CPNE8: variants seen among roughly 807,000 people sequenced by gnomAD.
The protein encoded by CPNE8 is copine-8.
CPNE8 carries 45 observed loss-of-function variants against 81.5 expected under a neutral mutation model. That is an observed-to-expected ratio of 0.55 (90% confidence interval 0.44 to 0.71). The LOEUF (loss-of-function observed/expected upper bound fraction) is 0.71, where lower values mean the gene tolerates loss of function less well. Ranked by LOEUF, CPNE8 falls within the 30% of genes least tolerant of loss-of-function variation. The probability of loss-of-function intolerance (pLI) is 0.00; values close to 1 mark genes in which losing one functional copy is unlikely to be tolerated. For missense variants in CPNE8, 594 were observed against 672.1 expected (o/e 0.88, Z 1.28); for synonymous variants, 252 against 226.3 (o/e 1.11, Z -1.02).
intron 13 of CPNE8, among the ~76,000 whole-genome samples, chr12:38,720,209 C>A (rs1351686743): frequency 6.6e-6 from 1 of 152,144 alleles, no homozygotes; most frequent in African/African-American, 2.4e-5. Flanking sequence ...AGGAAGTGTG[C>A]AGCTAAGGAA....
intron 10 of CPNE8, among the ~76,000 whole-genome samples, chr12:38,737,757 A>T (rs2136783680): frequency 6.6e-6 from 1 of 152,202 alleles, no homozygotes; most frequent in East Asian, 1.9e-4. Context: ...AACTTTTTGA[A>T]CCAAGGTTCA....
intron 3 of CPNE8, among the ~76,000 whole-genome samples, chr12:38,856,981 C>T (rs552040775): frequency 4.0e-5 from 6 of 151,624 alleles, no homozygotes; most frequent in African/African-American, 1.2e-4. Flanking sequence ...TTTCAATATA[C>T]AGCCTATATA....
chr12:38,805,661 T>TA (rs35911949), intron 6 of CPNE8, among the ~76,000 whole-genome samples: 7,419 of 41,706 alleles, frequency 0.18, 447 homozygotes, highest in Non-Finnish European at 0.28. Flanking sequence ...TAGAGTATAA[T>TA]AAAAAAAAAA....
At chr12:38,772,201 C>T (rs1287662878) in intron 7 of CPNE8, among the ~76,000 whole-genome samples, 3 of 152,066 alleles carry the variant, frequency 2.0e-5, no homozygotes, top group Non-Finnish European at 2.9e-5. Context: ...GTATGAAAGC[C>T]CTTACCACAA....
chr12:38,863,247 C>T (rs1943867714), intron 3 of CPNE8, among the ~76,000 whole-genome samples: 2 of 152,114 alleles, frequency 1.3e-5, no homozygotes, highest in Admixed American at 6.5e-5. Context: ...GGACAAATTC[C>T]TGAAAAATCA....
chr12:38,736,863 G>A (rs1427134923), intron 10 of CPNE8, among the ~76,000 whole-genome samples: 1 of 151,972 alleles, frequency 6.6e-6, no homozygotes, highest in East Asian at 1.9e-4. Flanking sequence ...TATTTATCCA[G>A]TTATGACCTT....
intron 4 of CPNE8, among the ~76,000 whole-genome samples, chr12:38,842,283 G>A (rs963015449): frequency 6.6e-6 from 1 of 152,092 alleles, no homozygotes; most frequent in African/African-American, 2.4e-5. Context: ...CAATATCAGA[G>A]ATGAAACATA....
Position 38,874,464 on chromosome 12 carries a change from T to C in CPNE8, c.139+7A>G, listed in dbSNP as rs768453579. The stretch of plus-strand genomic sequence containing the variant: ...GATTTTTCAAAAGGCAAGCAATACA[T>C]ACTTACTTGGATCAGATTTAGAAAA... On this transcript the variant is annotated splice_region_variant and intron_variant, in intron 2 of 19. Coordinates refer to ENST00000331366, the MANE Select transcript of CPNE8 (RefSeq NM_153634.3). 34 of 1,598,220 alleles carry C rather than the reference T, an allele frequency of 2.1e-5. No individual in the cohort carries two copies. Among genetic ancestry groups the C allele is most frequent in the Admixed American group, 1.7e-4 (10 of 59,390 alleles).
intron 1 of CPNE8, among the ~76,000 whole-genome samples, chr12:38,879,714 AT>A (rs1944123144): frequency 6.6e-6 from 1 of 152,288 alleles, no homozygotes; most frequent in African/African-American, 2.4e-5. Context: ...CACAGATGAA[AT>A]TTGAAAAAGA....
chr12:38,753,777 C>A (rs886525415), intron 10 of CPNE8, among the ~76,000 whole-genome samples: 20 of 152,086 alleles, frequency 1.3e-4, no homozygotes, highest in African/African-American at 4.8e-4. Flanking sequence ...ATTTGTATTA[C>A]AGTATATTAT....
At position 38,819,483 on chromosome 12, in the gene CPNE8, T is replaced by C. The variant is rs375287721; in HGVS notation, c.407+9896A>G. ...CTGAGAATAAGTATAACAGCAGAGA[T>C]AGGGCCGGGCGCGGTGGCTCACGTC... On this transcript the variant is annotated intron_variant, in intron 6 of 19. Coordinates refer to ENST00000331366, the MANE Select transcript of CPNE8 (RefSeq NM_153634.3). Among the ~76,000 whole-genome samples, 4 of 151,828 alleles carry C rather than the reference T, an allele frequency of 2.6e-5. No individual in the cohort carries two copies. In the South Asian group the frequency reaches 8.3e-4, roughly 32 times the overall value.
At chr12:38,672,506 C>T (rs1432579404) in intron 18 of CPNE8, among the ~76,000 whole-genome samples, 1 of 152,052 alleles carries the variant, frequency 6.6e-6, no homozygotes, top group African/African-American at 2.4e-5. Flanking sequence ...CCCCAGTCTC[C>T]CACCATTACC....
intron 1 of CPNE8, among the ~76,000 whole-genome samples, chr12:38,878,026 C>G (rs1191780682): frequency 1.3e-5 from 2 of 152,162 alleles, no homozygotes; most frequent in African/African-American, 2.4e-5. Flanking sequence ...GTCTTCCTCA[C>G]TGCTACACTC....
rs377601628 is a variant in CPNE8, at chr12:38,806,124, T to C, written c.407+23255A>G. ...TGGCAATAATCAATAGCTTACCAAC[T>C]AAAAAGAGTCCAGGACCAGATGGAT... On this transcript the variant is annotated intron_variant, in intron 6 of 19. Transcript: ENST00000331366. Among the ~76,000 whole-genome samples the C allele has an allele frequency of 5.1e-4, 77 of 150,086 alleles. 4 individuals carry two copies. The highest frequency in any genetic ancestry group is 3.8e-3 in the East Asian group (17 of 4,528).
At chr12:38,735,290 G>T (rs1940927439) in intron 10 of CPNE8, among the ~76,000 whole-genome samples, 1 of 151,998 alleles carries the variant, frequency 6.6e-6, no homozygotes, top group East Asian at 1.9e-4. Flanking sequence ...ATGTAGTTAT[G>T]ATGACCCTAA....
intron 6 of CPNE8, among the ~76,000 whole-genome samples, chr12:38,811,484 A>G (rs1942933291): frequency 6.6e-6 from 1 of 152,190 alleles, no homozygotes; most frequent in Non-Finnish European, 1.5e-5. Context: ...ACAAAAATAT[A>G]TACAGTAAGA....
intron 10 of CPNE8, among the ~76,000 whole-genome samples, chr12:38,736,147 G>C (rs1470650969): frequency 1.3e-5 from 2 of 151,240 alleles, no homozygotes; most frequent in East Asian, 3.9e-4. Context: ...AATACAGATA[G>C]AATTTTTAAA....
intron 13 of CPNE8, among the ~76,000 whole-genome samples, chr12:38,704,456 C>T (rs537998269): frequency 6.6e-6 from 1 of 152,020 alleles, no homozygotes; most frequent in Non-Finnish European, 1.5e-5. Flanking sequence ...TTACAAAATG[C>T]TCCTCAACTT....
At position 38,724,909 on chromosome 12, in the gene CPNE8, C is replaced by A; in HGVS notation, c.799-10G>T. On this transcript the variant is annotated splice_polypyrimidine_tract_variant and intron_variant, in intron 11 of 19. Coordinates refer to ENST00000331366, the MANE Select transcript of CPNE8 (RefSeq NM_153634.3). ...TTTTGGGATTCACCACCTTAAAAAG[C>A]AGATAAAACAATTAAAATGTGTTAG... is the stretch of plus-strand genomic sequence containing the variant. 6.6e-7 allele frequency: 1 copy of A among 1,522,514 alleles called. No individual in the cohort carries two copies. Among genetic ancestry groups the A allele is most frequent in the Non-Finnish European group, 9.0e-7 (1 of 1,108,530 alleles). The allele number at this position is 1,522,514 out of a possible 1,614,324, so 94.3% of individuals were successfully genotyped here. A position where few individuals can be genotyped will look rare whatever the true frequency, so the allele number is the denominator to read the frequency against.
Sources: allele counts gnomAD v4.1 joint callset (sites outside exome capture counted in the v4.1 genomes callset), GRCh38; gene constraint gnomAD v4.1.1; transcripts MANE v1.5; gene names NCBI Gene and HGNC (gene_info 2026-07-23, HGNC 2026-07-21).